The following CHD6 variants were observed in gnomAD, a reference collection of about 807,000 sequenced individuals.
CHD6 encodes the protein chromodomain helicase DNA binding protein 6.
In CHD6, 50 loss-of-function variants were observed where a neutral mutation model predicts 276.9. That is an observed-to-expected ratio of 0.18 (90% CI 0.14 to 0.23). CHD6 has a LOEUF of 0.23. CHD6 is among the 10% of genes least tolerant of loss of function. The probability of loss-of-function intolerance (pLI) is 1.00; values close to 1 mark genes in which losing one functional copy is unlikely to be tolerated. For synonymous variants in CHD6, 1,173 were observed against 1,229.3 expected (o/e 0.95, Z 0.96); for missense variants, 2,564 against 3,365.8 (o/e 0.76, Z 5.89).
intron 8 of CHD6, among the ~76,000 whole-genome samples, chr20:41,494,607 T>C (rs1042943020): frequency 6.6e-6 from 1 of 152,188 alleles, no homozygotes; most frequent in South Asian, 2.1e-4. Context: ...CTCAGAGATA[T>C]TAAGTAATGT....
intron 27 of CHD6, 44 bp downstream of exon 27, chr20:41,437,230 T>C (rs766906815): frequency 6.9e-7 from 1 of 1,446,434 alleles, no homozygotes; most frequent in Non-Finnish European, 9.7e-7. Context: ...TCTTTCTTAA[T>C]ATGAAAGACG....
At chr20:41,554,807 G>A (rs1322251315) in intron 1 of CHD6, among the ~76,000 whole-genome samples, 1 of 152,150 alleles carries the variant, frequency 6.6e-6, no homozygotes, top group Admixed American at 6.5e-5. Flanking sequence ...GCAACCATCC[G>A]ATTTCTCAAT....
chr20:41,583,280 G>A (rs1294719414), intron 1 of CHD6, among the ~76,000 whole-genome samples: 7 of 151,974 alleles, frequency 4.6e-5, no homozygotes, highest in Non-Finnish European at 1.5e-5. Flanking sequence ...AATGCAGCCA[G>A]AGGGAGGAAA....
chr20:41,511,238 A>G (rs1166426042), intron 5 of CHD6, among the ~76,000 whole-genome samples: 1 of 152,232 alleles, frequency 6.6e-6, no homozygotes, highest in Non-Finnish European at 1.5e-5. Context: ...GGAACGACAG[A>G]TATTTGTGCT....
intron 36 of CHD6, among the ~76,000 whole-genome samples, chr20:41,406,482 C>T (rs1477371803): frequency 2.6e-5 from 4 of 152,194 alleles, no homozygotes; most frequent in South Asian, 2.1e-4. Flanking sequence ...CATCAGCGAG[C>T]GGAAGGCAGC....
rs528860254 is a variant in CHD6 at position 41,454,762 on chromosome 20, A to G, written c.3010-26T>C. 89 of 1,536,502 alleles carry G rather than the reference A, an allele frequency of 5.8e-5. 1 individual carries two copies. The East Asian group carries it at 1.6e-3, about 28-fold the overall frequency. On this transcript the variant is annotated intron_variant, in intron 19 of 36. Coordinates refer to ENST00000373233, the MANE Select transcript of CHD6 (RefSeq NM_032221.5). ...CTGTGAAGAAGACAAGAATTAATAA[A>G]CTGTGCTTGAACACAATACAAACTA...
At chr20:41,616,498 TC>T (rs2146317311) in intron 1 of CHD6, among the ~76,000 whole-genome samples, 1 of 152,168 alleles carries the variant, frequency 6.6e-6, no homozygotes, top group African/African-American at 2.4e-5. Context: ...TTAGAGAGAC[TC>T]CAAAGCAAAC....
At chr20:41,490,925 C>T (rs2043536685) in intron 11 of CHD6, among the ~76,000 whole-genome samples, 1 of 152,120 alleles carries the variant, frequency 6.6e-6, no homozygotes, top group Non-Finnish European at 1.5e-5. Context: ...ATATCTGGCA[C>T]ATGTACCCTA....
At chr20:41,611,131 A>C (rs922995692) in intron 1 of CHD6, among the ~76,000 whole-genome samples, 3 of 152,246 alleles carry the variant, frequency 2.0e-5, no homozygotes, top group African/African-American at 7.2e-5. Context: ...TTTCAGATAA[A>C]AATAAAGAGG....
At chr20:41,617,708 G>A (rs1392643668) in intron 1 of CHD6, among the ~76,000 whole-genome samples, 2 of 152,030 alleles carry the variant, frequency 1.3e-5, no homozygotes, top group Non-Finnish European at 2.9e-5. Context: ...TCCAATTTTC[G>A]GGGCGAGTGC....
intron 36 of CHD6, among the ~76,000 whole-genome samples, chr20:41,408,562 GTC>G (rs1555885120): frequency 5.3e-5 from 8 of 152,312 alleles, no homozygotes; most frequent in African/African-American, 1.9e-4. Flanking sequence ...ACACAGCACA[GTC>G]TCAGTCCCTT....
chr20:41,604,837 C>T (rs1471153473), intron 1 of CHD6, among the ~76,000 whole-genome samples: 1 of 152,082 alleles, frequency 6.6e-6, no homozygotes, highest in East Asian at 1.9e-4. Context: ...CTCGGACTAC[C>T]AGGTCAAACT....
intron 16 of CHD6, chr20:41,482,496 T>C (rs1569125355): frequency 2.0e-6 from 1 of 501,704 alleles, no homozygotes; most frequent in Admixed American, 2.0e-5. Context: ...TGTTAAAGAA[T>C]AAGAACATCT....
In CHD6 at chr20:41,529,989, T is replaced by C. The variant is rs561544922; in HGVS notation, c.554+3061A>G. The stretch of plus-strand genomic sequence containing the variant: ...TATTTTCCACCCTTCTTCAAACTTA[T>C]CTCACTTCCCCGACTGGGGAAATAC... On this transcript the variant is annotated intron_variant, in intron 3 of 36. Coordinates refer to ENST00000373233, the MANE Select transcript of CHD6 (RefSeq NM_032221.5). 6.6e-4 allele frequency among the ~76,000 whole-genome samples: 100 copies of C among 152,262 alleles called. 3 individuals are homozygous for C. The highest frequency in any genetic ancestry group is 1.2e-3 in the Non-Finnish European group (82 of 68,024).
chr20:41,605,576 A>T (rs1370622677), intron 1 of CHD6, among the ~76,000 whole-genome samples: 2 of 152,150 alleles, frequency 1.3e-5, no homozygotes, highest in African/African-American at 4.8e-5. Context: ...ACTTTACCTG[A>T]ATTCTTTATT....
chr20:41,581,607 C>G (rs1435239030), intron 1 of CHD6, among the ~76,000 whole-genome samples: 2 of 150,822 alleles, frequency 1.3e-5, no homozygotes, highest in Non-Finnish European at 3.0e-5. Context: ...CTCAGGGAGG[C>G]GGAGGCTGCA....
At chr20:41,527,685 T>C (rs1204426026) in intron 3 of CHD6, among the ~76,000 whole-genome samples, 1 of 152,236 alleles carries the variant, frequency 6.6e-6, no homozygotes, top group African/African-American at 2.4e-5. Flanking sequence ...TTAGAAGCAT[T>C]AGATGCAAAA....
At chr20:41,528,716 TCTC>T (rs1203736513) in intron 3 of CHD6, among the ~76,000 whole-genome samples, 1 of 152,172 alleles carries the variant, frequency 6.6e-6, no homozygotes, top group African/African-American at 2.4e-5. Context: ...AATTGAAACT[TCTC>T]CTATTTAAGA....
chr20:41,495,193 G>A (rs1002184623), intron 8 of CHD6, among the ~76,000 whole-genome samples: 5 of 152,060 alleles, frequency 3.3e-5, no homozygotes, highest in Admixed American at 6.6e-5. Flanking sequence ...TCAAGATTAC[G>A]GAAACAAGCT....
Sources: gnomAD v4.1 joint callset for allele counts (sites outside exome capture counted in the v4.1 genomes callset) on GRCh38, gnomAD v4.1.1 for gene constraint, MANE v1.5 for transcripts, NCBI Gene and HGNC (gene_info 2026-07-23, HGNC 2026-07-21) for gene names.